Variants in KCNQ3 observed in about 807,000 individuals in gnomAD.
The protein encoded by KCNQ3 is potassium voltage-gated channel subfamily KQT member 3.
A neutral mutation model predicts 92.5 loss-of-function variants in KCNQ3; 30 were observed. The observed-to-expected ratio is 0.32, with a 90% CI of 0.24 to 0.44. The LOEUF is 0.44. KCNQ3 is among the 20% of genes least tolerant of loss of function. KCNQ3 has a pLI of 1.00. For missense variants in KCNQ3, 913 were observed against 1,140.3 expected, an observed-to-expected ratio of 0.80 and a Z score of 2.87; for synonymous variants, 450 against 468.8, an observed-to-expected ratio of 0.96 and a Z score of 0.52.
chr8:132,387,953 G>GAGA (rs796693357), intron 1 of KCNQ3, among the ~76,000 whole-genome samples: 3 of 150,478 alleles, frequency 2.0e-5, no homozygotes, highest in Non-Finnish European at 3.0e-5. Context: ...GAAGAAGAAG[G>GAGA]AGAAGAAGAA....
intron 1 of KCNQ3, among the ~76,000 whole-genome samples, chr8:132,373,299 T>A (rs1201062185): frequency 6.6e-6 from 1 of 152,152 alleles, no homozygotes; most frequent in Non-Finnish European, 1.5e-5. Flanking sequence ...TCCATATATT[T>A]ATTAATATCA....
chr8:132,320,585 C>T (rs1043470225), intron 1 of KCNQ3, among the ~76,000 whole-genome samples: 14 of 152,042 alleles, frequency 9.2e-5, no homozygotes, highest in South Asian at 6.2e-4. Context: ...GTCCCTATTA[C>T]CCCATTCAAT....
chr8:132,343,636 T>C (rs1818598107), intron 1 of KCNQ3, among the ~76,000 whole-genome samples: 1 of 152,094 alleles, frequency 6.6e-6, no homozygotes, highest in African/African-American at 2.4e-5. Flanking sequence ...ACCACCAAGG[T>C]GCTGCTGGTG....
At chr8:132,414,315 G>C (rs1418281718) in intron 1 of KCNQ3, among the ~76,000 whole-genome samples, 9 of 152,164 alleles carry the variant, frequency 5.9e-5, no homozygotes, top group African/African-American at 2.2e-4. Context: ...GAAGCCCAGG[G>C]AAGCCCAGGG....
At chr8:132,203,514 A>G (rs886246932) in intron 1 of KCNQ3, among the ~76,000 whole-genome samples, 6 of 152,338 alleles carry the variant, frequency 3.9e-5, no homozygotes, top group African/African-American at 1.4e-4. Context: ...ACTGGCAGGC[A>G]GTCGTGACTC....
chr8:132,129,612 G>A lies in KCNQ3; in HGVS notation c.2269C>T (p.Arg757Ter), dbSNP rs779444430. The change falls in exon 15 of 15, where the codon CGA becomes TGA. Residue 757 changes from arginine to a stop codon, truncating the protein, a stop_gained. Transcript: ENST00000388996. LOFTEE classifies it high-confidence loss of function. The surrounding 1 kb of genome is among the most constrained non-coding windows in gnomAD (Gnocchi z 5.9). ...VLPILTLLDS[R>*]VSCHSQADLQ... ...TCAGCCTGGGAGTGGCAGCTCACTC[G>A]GGAGTCGAGAAGAGTCAAGATAGGC... 1.9e-6 allele frequency: 3 copies of A among 1,614,036 alleles called. No individual in the cohort carries two copies. The highest frequency in any genetic ancestry group is 2.5e-6 in the Non-Finnish European group (3 of 1,180,036).
At chr8:132,141,713 T>C (rs1234236165) in intron 9 of KCNQ3, among the ~76,000 whole-genome samples, 1 of 152,204 alleles carries the variant, frequency 6.6e-6, no homozygotes, top group East Asian at 1.9e-4. Flanking sequence ...GGTACCCAGA[T>C]AGTGATTTAC....
intron 1 of KCNQ3, among the ~76,000 whole-genome samples, chr8:132,325,174 G>A (rs575791578): frequency 6.6e-6 from 1 of 152,024 alleles, no homozygotes; most frequent in South Asian, 2.1e-4. Context: ...GTGTGGATGG[G>A]GAAAGACAGT....
At chr8:132,183,390 G>T (rs924676148) in intron 3 of KCNQ3, among the ~76,000 whole-genome samples, 1 of 152,154 alleles carries the variant, frequency 6.6e-6, no homozygotes, top group South Asian at 2.1e-4. Context: ...TGCAAGCAGA[G>T]CCAGGTGACC....
chr8:132,377,530 C>T lies in KCNQ3; in HGVS notation c.386+102617G>A, dbSNP rs79517730. Among the ~76,000 whole-genome samples the T allele has an allele frequency of 6.8e-4, 104 of 152,250 alleles. 3 individuals carry two copies. In the East Asian group the frequency reaches 0.014, roughly 20 times the overall value. ...GAGGATGAGGCTGGGTCAGGGAGTC[C>T]GCAGGCCTCCCAACCCATCACAGAA... On this transcript the variant is annotated intron_variant, in intron 1 of 14. Coordinates refer to ENST00000388996, the MANE Select transcript of KCNQ3 (RefSeq NM_004519.4).
intron 1 of KCNQ3, among the ~76,000 whole-genome samples, chr8:132,218,176 C>A (rs1346649906): frequency 2.0e-5 from 3 of 152,106 alleles, no homozygotes; most frequent in Non-Finnish European, 4.4e-5. Context: ...TGTCAGGTAG[C>A]CCTGGCATAG....
intron 1 of KCNQ3, among the ~76,000 whole-genome samples, chr8:132,405,826 T>C (rs1050653941): frequency 2.0e-5 from 3 of 151,978 alleles, no homozygotes; most frequent in African/African-American, 7.2e-5. Context: ...GCAACAAAGA[T>C]GGAGGAGGAG....
intron 1 of KCNQ3, among the ~76,000 whole-genome samples, chr8:132,357,825 C>T (rs1298605651): frequency 6.6e-6 from 1 of 152,210 alleles, no homozygotes; most frequent in East Asian, 1.9e-4. Flanking sequence ...ATGGCTGCTC[C>T]TCCTCCAATC....
chr8:132,176,622 C>T (rs1299622867), intron 4 of KCNQ3, among the ~76,000 whole-genome samples: 1 of 152,206 alleles, frequency 6.6e-6, no homozygotes, highest in East Asian at 1.9e-4. Context: ...GACAGGGTTG[C>T]TTCCTGCCTC....
chr8:132,459,028 T>C (rs1205971824), intron 1 of KCNQ3, among the ~76,000 whole-genome samples: 4 of 152,218 alleles, frequency 2.6e-5, no homozygotes, highest in South Asian at 4.1e-4. Flanking sequence ...TTGGCTGTGA[T>C]AGTTTCTCAG....
intron 1 of KCNQ3, among the ~76,000 whole-genome samples, chr8:132,283,590 G>T (rs559993313): frequency 5.9e-5 from 9 of 152,314 alleles, no homozygotes; most frequent in Admixed American, 5.9e-4. Flanking sequence ...TGACCAGCAG[G>T]CTGCTGCCTC....
At chr8:132,432,142 T>C (rs901752557) in intron 1 of KCNQ3, among the ~76,000 whole-genome samples, 1 of 152,156 alleles carries the variant, frequency 6.6e-6, no homozygotes, top group Admixed American at 6.5e-5. Flanking sequence ...AAACAGAAAT[T>C]CACATCCCCA....
intron 4 of KCNQ3, among the ~76,000 whole-genome samples, chr8:132,179,310 A>G (rs1826673494): frequency 6.6e-6 from 1 of 151,960 alleles, no homozygotes; most frequent in African/African-American, 2.4e-5. Context: ...GAATGGACTG[A>G]GTTCCATCCC....
At chr8:132,372,885 C>CA (rs1355507461) in intron 1 of KCNQ3, among the ~76,000 whole-genome samples, 1 of 151,792 alleles carries the variant, frequency 6.6e-6, no homozygotes, top group East Asian at 1.9e-4. Context: ...GGCAGAAAGG[C>CA]ATGCAAACTG....
Sources: gnomAD v4.1 joint callset for allele counts (sites outside exome capture counted in the v4.1 genomes callset) on GRCh38, gnomAD v4.1.1 for gene constraint, Gnocchi (gnomAD v3.1) non-coding constraint, MANE v1.5 for transcripts, NCBI Gene and HGNC (gene_info 2026-07-23, HGNC 2026-07-21) for gene names.